The following TBCK variants were observed in gnomAD, a reference collection of about 807,000 sequenced individuals.
TBCK encodes the protein TBC domain-containing protein kinase-like protein.
TBCK carries 99 observed loss-of-function variants against 113.4 expected under a neutral mutation model. The observed-to-expected ratio is 0.87, with a 90% CI of 0.74 to 1.03. The LOEUF is 1.03. TBCK is among the 50% of genes least tolerant of loss of function. The pLI, the probability that TBCK is intolerant of heterozygous loss-of-function variation, is 0.00. For missense variants in TBCK, 1,045 were observed against 1,061.3 expected, an observed-to-expected ratio of 0.98 and a Z score of 0.21; for synonymous variants, 369 against 370.8, an observed-to-expected ratio of 1.00 and a Z score of 0.05.
intron 5 of TBCK, among the ~76,000 whole-genome samples, chr4:106,257,573 G>C (rs1202720294): frequency 1.3e-5 from 2 of 151,974 alleles, no homozygotes; most frequent in African/African-American, 4.8e-5. Context: ...TGATGATGGT[G>C]ATACCAGTAT....
chr4:106,092,759 C>T (rs1011438324), intron 25 of TBCK, among the ~76,000 whole-genome samples: 8 of 152,220 alleles, frequency 5.3e-5, no homozygotes, highest in Non-Finnish European at 7.3e-5. Context: ...TCCCGGTTCC[C>T]GCCTGTGCCT....
intron 25 of TBCK, among the ~76,000 whole-genome samples, chr4:106,068,404 T>C (rs1736924151): frequency 6.6e-6 from 1 of 152,154 alleles, no homozygotes; most frequent in South Asian, 2.1e-4. Flanking sequence ...ATGTGGTGTT[T>C]GGTTTGCAGT....
intron 19 of TBCK, among the ~76,000 whole-genome samples, chr4:106,215,369 T>A (rs1258291273): frequency 6.6e-6 from 1 of 151,666 alleles, no homozygotes; most frequent in Non-Finnish European, 1.5e-5. Context: ...ATAACACGAT[T>A]AACTTTAAAT....
chr4:106,053,626 A>G (rs1239041074), intron 25 of TBCK, among the ~76,000 whole-genome samples: 2 of 151,686 alleles, frequency 1.3e-5, no homozygotes, highest in East Asian at 1.9e-4. Flanking sequence ...AGTCCTATCT[A>G]TACACTGATG....
At chr4:106,118,681 G>A (rs78142268) in intron 23 of TBCK, among the ~76,000 whole-genome samples, 4,404 of 152,192 alleles carry the variant, frequency 0.029, 90 homozygotes, top group East Asian at 0.047. Context: ...TGATGAATGC[G>A]GCATTTCAAA....
At chr4:106,237,865 C>A (rs1167799705) in intron 12 of TBCK, among the ~76,000 whole-genome samples, 1 of 151,974 alleles carries the variant, frequency 6.6e-6, no homozygotes, top group East Asian at 1.9e-4. Flanking sequence ...TTTCAGTATA[C>A]TGTATGTCAT....
chr4:106,204,058 A>C (rs1320603775), intron 20 of TBCK, among the ~76,000 whole-genome samples: 1 of 152,178 alleles, frequency 6.6e-6, no homozygotes, highest in Non-Finnish European at 1.5e-5. Flanking sequence ...AATCATGCTA[A>C]TAAAAGAAAT....
chr4:106,049,596 CA>C (rs2149443206), intron 25 of TBCK, among the ~76,000 whole-genome samples: 1 of 152,068 alleles, frequency 6.6e-6, no homozygotes, highest in Non-Finnish European at 1.5e-5. Context: ...TACAGTGGGA[CA>C]GGGGAGAACC....
chr4:106,210,964 A>G (rs1489818716), intron 20 of TBCK, among the ~76,000 whole-genome samples: 1 of 152,090 alleles, frequency 6.6e-6, no homozygotes, highest in African/African-American at 2.4e-5. Flanking sequence ...TTATAATTCT[A>G]CACATTATTT....
chr4:106,109,904 G>T (rs905036717), intron 24 of TBCK, among the ~76,000 whole-genome samples: 3 of 152,154 alleles, frequency 2.0e-5, no homozygotes, highest in African/African-American at 7.2e-5. Context: ...ACGTCCAGGA[G>T]GTTTTATAAA....
At chr4:106,193,225 G>C (rs1753848670) in intron 22 of TBCK, among the ~76,000 whole-genome samples, 1 of 152,160 alleles carries the variant, frequency 6.6e-6, no homozygotes, top group Non-Finnish European at 1.5e-5. Flanking sequence ...AAAGTTTTGT[G>C]AATTGTATCT....
At chr4:106,116,725 C>T (rs1560669372) in intron 23 of TBCK, among the ~76,000 whole-genome samples, 1 of 152,062 alleles carries the variant, frequency 6.6e-6, no homozygotes, top group Non-Finnish European at 1.5e-5. Flanking sequence ...AGTACAAACC[C>T]TGTTGTGAAC....
intron 25 of TBCK, among the ~76,000 whole-genome samples, chr4:106,064,055 C>G (rs958586426): frequency 1.3e-5 from 2 of 151,694 alleles, no homozygotes; most frequent in Non-Finnish European, 2.9e-5. Context: ...TAATGGGGAG[C>G]CGGGAGAGGG....
At chr4:106,254,898 T>C (rs1221566522) in intron 5 of TBCK, 1 of 152,412 alleles carries the variant, frequency 6.6e-6, no homozygotes, top group Admixed American at 6.6e-5. Context: ...AAAATATATT[T>C]TATTAAATAA....
At chr4:106,105,024 A>G (rs72964409) in intron 24 of TBCK, among the ~76,000 whole-genome samples, 4,169 of 152,304 alleles carry the variant, frequency 0.027, 184 homozygotes, top group African/African-American at 0.095. Flanking sequence ...GTGCGAACTC[A>G]GCAACTCCCT....
intron 25 of TBCK, among the ~76,000 whole-genome samples, chr4:106,057,977 G>A (rs1275941215): frequency 5.3e-5 from 8 of 151,704 alleles, no homozygotes; most frequent in African/African-American, 1.7e-4. Context: ...CTTGACACTA[G>A]TGTTTTTTCT....
chr4:106,101,259 C>T (rs1741516192), intron 24 of TBCK, among the ~76,000 whole-genome samples: 1 of 152,118 alleles, frequency 6.6e-6, no homozygotes, highest in East Asian at 1.9e-4. Context: ...TCTTTAACAG[C>T]TAATACACCT....
intron 10 of TBCK, among the ~76,000 whole-genome samples, chr4:106,245,184 C>A (rs1178119088): frequency 1.3e-5 from 2 of 152,116 alleles, no homozygotes; most frequent in Non-Finnish European, 2.9e-5. Context: ...CCAGAGGGAA[C>A]CAGTCAAAAG....
chr4:106,167,184 A>G (rs948034772), intron 23 of TBCK, among the ~76,000 whole-genome samples: 31 of 147,348 alleles, frequency 2.1e-4, no homozygotes, highest in African/African-American at 5.9e-4. Context: ...AGAACTGTAT[A>G]TATATATATA....
Sources: gnomAD v4.1 joint callset for allele counts (sites outside exome capture counted in the v4.1 genomes callset) on GRCh38, gnomAD v4.1.1 for gene constraint, MANE v1.5 for transcripts, NCBI Gene and HGNC (gene_info 2026-07-23, HGNC 2026-07-21) for gene names.